CST3: variants seen among roughly 807,000 people sequenced by gnomAD.
CST3 encodes the protein cystatin-C.
A neutral mutation model predicts 9.0 loss-of-function variants in CST3; 14 were observed. The ratio of observed to expected loss-of-function variants is 1.56; its 90% CI spans 1.03 to 2.44. CST3 has a LOEUF of 2.44. CST3 is among the 30% of genes most tolerant of loss of function. CST3 has a pLI of 0.00. For missense variants in CST3, 237 were observed against 204.3 expected (o/e 1.16, Z -0.98); for synonymous variants, 96 against 90.2 (o/e 1.06, Z -0.37).
At position 23,633,864 on chromosome 20, in the gene CST3, G is replaced by A. The variant is rs11542362; in HGVS notation, c.*52C>T. On this transcript the variant is annotated 3_prime_UTR_variant, in exon 3 of 3. Transcript: ENST00000376925. ...CAGTCCAGGGGTGGGAATACAGGGG[G>A]TGGGAGGTGTGCATAAGAGGTGATA... 1.4e-6 allele frequency: 2 copies of A among 1,457,588 alleles called. No homozygotes were observed. The highest frequency in any genetic ancestry group is 2.3e-5 in the East Asian group (1 of 44,166). The allele number at this position is 1,457,588 out of a possible 1,614,324, so 90.3% of individuals were successfully genotyped here. A position where few individuals can be genotyped will look rare whatever the true frequency, so the allele number is the denominator to read the frequency against.
In CST3 at chr20:23,635,179, G is replaced by A. The variant is rs553154093; in HGVS notation, c.357+75C>T. Reference sequence around the variant, plus strand: ...TGCACACGTACCCTGCAGAACATGTGCATCACACACACACACACACACACA... The same window carrying A: ...TGCACACGTACCCTGCAGAACATGTACATCACACACACACACACACACACA... On this transcript the variant is annotated intron_variant, in intron 2 of 2. Coordinates refer to ENST00000376925, the MANE Select transcript of CST3 (RefSeq NM_000099.4). The A allele has an allele frequency of 5.1e-5, 59 of 1,150,668 alleles. No homozygotes were observed. The South Asian group carries it at 6.6e-4, about 13-fold the overall frequency. 71.3% of individuals were successfully genotyped at this position (1,150,668 alleles called of 1,614,324 possible).
rs1979556879 is a variant in CST3 at position 23,634,013 on chromosome 20, C to G, written c.358-14G>C. The G allele has an allele frequency of 6.2e-7, 1 of 1,608,574 alleles. No homozygotes were observed. The highest frequency in any genetic ancestry group is 8.5e-7 in the Non-Finnish European group (1 of 1,175,178). On this transcript the variant is annotated splice_polypyrimidine_tract_variant and intron_variant, in intron 2 of 2. Coordinates refer to ENST00000376925, the MANE Select transcript of CST3 (RefSeq NM_000099.4). The stretch of plus-strand genomic sequence containing the variant: ...GCAGAATGCTTTCTGTGAAAGGAAA[C>G]AGAGGGGACAATCAGTGTGGGTTAC...
chr20:23,631,146 C>A (rs1979438479), downstream of CST3, among the ~76,000 whole-genome samples: 2 of 151,670 alleles, frequency 1.3e-5, no homozygotes, highest in African/African-American at 2.4e-5. Flanking sequence ...AAAAATATTA[C>A]CTAAAAGATA....
chr20:23,628,247 A>G (rs1979323218), exon 4 of CST3: 1 of 152,204 alleles, frequency 6.6e-6, no homozygotes, highest in Non-Finnish European at 1.5e-5. Flanking sequence ...TTGATTGCTG[A>G]TTTCAATCCC....
At chr20:23,629,422 C>T (rs917905570), downstream of CST3, 1 of 152,248 alleles carries the variant, frequency 6.6e-6, no homozygotes, top group Non-Finnish European at 1.5e-5. Context: ...GCCTGGTAGC[C>T]ATTCAGGAAA....
downstream of CST3, among the ~76,000 whole-genome samples, chr20:23,630,464 C>T (rs893686141): frequency 6.6e-6 from 1 of 152,316 alleles, no homozygotes; most frequent in African/African-American, 2.4e-5. Flanking sequence ...TTTTAGTCAC[C>T]ATTGTGTTCA....
chr20:23,632,758 C>T, downstream of CST3, among the ~76,000 whole-genome samples: 1 of 152,196 alleles, frequency 6.6e-6, no homozygotes, highest in East Asian at 1.9e-4. Flanking sequence ...AAGGGCTGCA[C>T]CCCTGTCCTA....
chr20:23,627,743 T>A (rs1242083212), exon 4 of CST3: 3 of 152,232 alleles, frequency 2.0e-5, no homozygotes, highest in Admixed American at 1.3e-4. Context: ...TTTACTGTGG[T>A]TTTGATTTGC....
intron 1 of CST3, 106 bp downstream of exon 1, chr20:23,637,514 A>C: frequency 1.8e-6 from 2 of 1,142,058 alleles, no homozygotes; most frequent in South Asian, 3.7e-5. Context: ...GGTCCGGGTG[A>C]GAAGCCCAGG....
downstream of CST3, among the ~76,000 whole-genome samples, chr20:23,632,796 G>A (rs138834863): frequency 6.6e-6 from 1 of 152,358 alleles, no homozygotes; most frequent in Non-Finnish European, 1.5e-5. Context: ...ACTGTGCAGG[G>A]TGGGCTGTGT....
At chr20:23,631,823 C>T (rs1288398260), downstream of CST3, 1 of 152,180 alleles carries the variant, frequency 6.6e-6, no homozygotes, top group African/African-American at 2.4e-5. Flanking sequence ...ATGAAAAAGC[C>T]TCTCCAACTT....
At position 23,633,972 on chromosome 20, in the gene CST3, C is replaced by G. The variant is rs371605207; in HGVS notation, c.385G>C (p.Ala129Pro). The G allele has an allele frequency of 6.2e-7, 1 of 1,613,996 alleles. No individual in the cohort carries two copies. Among genetic ancestry groups the G allele is most frequent in the Non-Finnish European group, 8.5e-7 (1 of 1,179,958 alleles). ...GTCATTGTGCCCTGCCAAGGCACAG[C>G]GTAGATCTGGAAAGAGCAGAATGCT... ...RKAFCSFQIY[A>P]VPWQGTMTLS... Residue 129 changes from alanine to proline, a missense_variant, in exon 3 of 3, where the codon GCT becomes CCT. Transcript: ENST00000376925.
chr20:23,627,333 T>G (rs185521761), exon 4 of CST3: 2 of 152,372 alleles, frequency 1.3e-5, no homozygotes, highest in East Asian at 3.9e-4. Context: ...TTAGCACATT[T>G]TCAAGATTGC....
At chr20:23,636,394 C>A (rs1356947425) in intron 1 of CST3, among the ~76,000 whole-genome samples, 8 of 152,182 alleles carry the variant, frequency 5.3e-5, no homozygotes, top group Admixed American at 4.6e-4. Context: ...CTCCGGTCTG[C>A]TGGGTGTCTT....
exon 4 of CST3, chr20:23,626,914 C>T (rs974210979): frequency 1.3e-5 from 2 of 151,950 alleles, no homozygotes; most frequent in South Asian, 4.2e-4. Context: ...TTAATTTTGT[C>T]GAGGCTTGAC....
At chr20:23,631,775 G>A (rs1979459069), downstream of CST3, 1 of 152,204 alleles carries the variant, frequency 6.6e-6, no homozygotes, top group South Asian at 2.1e-4. Flanking sequence ...AGGTGTCAAA[G>A]CACTATGTTA....
exon 4 of CST3, chr20:23,628,299 G>A (rs1568700536): frequency 6.6e-6 from 1 of 152,186 alleles, no homozygotes; most frequent in African/African-American, 2.4e-5. Flanking sequence ...GCTTAACGAT[G>A]AGCCCGATTA....
downstream of CST3, chr20:23,631,930 A>C (rs1208284451): frequency 1.3e-5 from 2 of 152,250 alleles, no homozygotes; most frequent in African/African-American, 4.8e-5. Flanking sequence ...AATAAATGTA[A>C]AAGTAACTCT....
At chr20:23,632,650 T>C (rs961129737), downstream of CST3, among the ~76,000 whole-genome samples, 1 of 152,170 alleles carries the variant, frequency 6.6e-6, no homozygotes, top group African/African-American at 2.4e-5. Flanking sequence ...CCTTCATCAT[T>C]TCACCTTCAG....
Sources: allele counts gnomAD v4.1 joint callset (sites outside exome capture counted in the v4.1 genomes callset), GRCh38; gene constraint gnomAD v4.1.1; transcripts MANE v1.5; gene names NCBI Gene and HGNC (gene_info 2026-07-23, HGNC 2026-07-21).